CLK3: variants seen among roughly 807,000 people sequenced by gnomAD.
CLK3 encodes the protein CDC like kinase 3.
Under a neutral mutation model 65.2 loss-of-function variants are expected in CLK3, and 24 were observed. That is an observed-to-expected ratio of 0.37 (90% CI 0.27 to 0.52). The LOEUF is 0.52. Among genes scored for constraint, CLK3 ranks in the 20% least tolerant of loss-of-function variants. CLK3 has a pLI of 0.92. For synonymous variants in CLK3, 252 were observed against 240.8 expected, an observed-to-expected ratio of 1.05 and a Z score of -0.43; for missense variants, 506 against 660.0, an observed-to-expected ratio of 0.77 and a Z score of 2.56.
chr15:74,615,554 T>C, upstream of CLK3: 4 of 1,274,182 alleles, frequency 3.1e-6, no homozygotes, highest in Non-Finnish European at 4.0e-6. Flanking sequence ...GCCCCACCTC[T>C]CGGCTCTGAG....
Position 74,627,762 on chromosome 15 carries a change from C to A in CLK3, c.1042+94C>A, listed in dbSNP as rs558503557. On this transcript the variant is annotated intron_variant, in intron 9 of 12. Transcript: ENST00000395066. This position sits in a 1 kb window ranked among gnomAD's most constrained non-coding sequence, Gnocchi z 4.3. ...TGGCATGCCTGTCATTCTCTGCCAC[C>A]CAGGGCAGGCAGAGTTTCTCAGACC... 5.1e-4 allele frequency: 785 copies of A among 1,549,046 alleles called. No individual in the cohort carries two copies. Among genetic ancestry groups the A allele is most frequent in the Non-Finnish European group, 6.8e-4 (764 of 1,129,356 alleles).
rs1567145007 is a variant in CLK3 at position 74,627,010 on chromosome 15, G to A, written c.818-342G>A. On this transcript the variant is annotated intron_variant, in intron 7 of 12. Coordinates refer to ENST00000395066, the MANE Select transcript of CLK3 (RefSeq NM_001130028.2). The surrounding 1 kb of genome is among the most constrained non-coding windows in gnomAD (Gnocchi z 4.3). ...AAAGGGCCCTGCAAATTATGTAGCT[G>A]GTGCAGGGAAGAGGGAACCACCTCG... 2.1e-6 allele frequency: 1 copy of A among 484,190 alleles called. No individual in the cohort carries two copies. Among genetic ancestry groups the A allele is most frequent in the Non-Finnish European group, 4.1e-6 (1 of 246,440 alleles). 30.0% of individuals were successfully genotyped at this position (484,190 alleles called of 1,614,324 possible).
intron 1 of CLK3, chr15:74,608,437 G>C (rs2061940601): frequency 6.6e-6 from 1 of 152,280 alleles, no homozygotes; most frequent in African/African-American, 2.4e-5. Flanking sequence ...GTACAGCATG[G>C]ACCCCAGATC....
intron 1 of CLK3, among the ~76,000 whole-genome samples, chr15:74,616,317 T>C (rs946727118): frequency 6.6e-6 from 1 of 152,246 alleles, no homozygotes; most frequent in South Asian, 2.1e-4. Context: ...GCTTTCCCTC[T>C]GTCCCCGGGT....
In CLK3 at chr15:74,628,944, A is replaced by C. The variant is rs1306350294; in HGVS notation, c.1208A>C (p.Lys403Thr). 1.2e-6 allele frequency: 2 copies of C among 1,609,954 alleles called. No homozygotes were observed. The highest frequency in any genetic ancestry group is 1.7e-6 in the Non-Finnish European group (2 of 1,176,390). Reference sequence around the variant, plus strand: ...GACTCCACCCCCTTAATTTTCAGGAAGCAGAAATATTTCTACAAAGGGGGC... The same window carrying C: ...GACTCCACCCCCTTAATTTTCAGGACGCAGAAATATTTCTACAAAGGGGGC... ...IPSHMIHRTR[K>T]QKYFYKGGLV... Residue 403 changes from lysine to threonine, a missense_variant and splice_region_variant, in exon 12 of 13, where the codon AAG becomes ACG. Coordinates refer to ENST00000395066, the MANE Select transcript of CLK3 (RefSeq NM_001130028.2).
upstream of CLK3, chr15:74,615,411 A>G: frequency 8.0e-7 from 1 of 1,250,962 alleles, no homozygotes; most frequent in Non-Finnish European, 1.0e-6. Context: ...GCTCCGGCAC[A>G]CAGACCTCAG....
At chr15:74,616,274 TGGC>T (rs1259680424) in intron 1 of CLK3, among the ~76,000 whole-genome samples, 1 of 152,244 alleles carries the variant, frequency 6.6e-6, no homozygotes, top group Admixed American at 6.5e-5. Context: ...ACTCCTCCCT[TGGC>T]GGCCTGGAGT....
rs1426787485 is a variant in CLK3 at position 74,625,796 on chromosome 15, C to T, written c.651-6C>T. On this transcript the variant is annotated splice_region_variant and splice_polypyrimidine_tract_variant and intron_variant, in intron 6 of 12. Transcript: ENST00000395066. ...AGCCTGAGCCCTGCCCATCCTCCTCCTCCAGCCTGTGTGTCTTGATGTCTG... is the reference window on the plus strand; with the variant it reads ...AGCCTGAGCCCTGCCCATCCTCCTCTTCCAGCCTGTGTGTCTTGATGTCTG... 1 of 1,614,156 alleles carries T rather than the reference C, an allele frequency of 6.2e-7. No individual in the cohort carries two copies. Among genetic ancestry groups the T allele is most frequent in the Non-Finnish European group, 8.5e-7 (1 of 1,180,010 alleles).
chr15:74,619,432 C>T, intron 2 of CLK3, 84 bp downstream of exon 2: 2 of 1,444,782 alleles, frequency 1.4e-6, no homozygotes, highest in Admixed American at 1.8e-5. Flanking sequence ...TGAGATGACT[C>T]CATCCCTGCC....
chr15:74,615,611 G>T, upstream of CLK3: 2 of 1,252,526 alleles, frequency 1.6e-6, no homozygotes, highest in Non-Finnish European at 2.0e-6. Flanking sequence ...GGGGACCTAC[G>T]TGCGCCGCGA....
chr15:74,628,550 T>C (rs1355815525), intron 10 of CLK3, 54 bp from the exon 11 acceptor site: 1 of 1,331,140 alleles, frequency 7.5e-7, no homozygotes, highest in South Asian at 1.3e-5. Context: ...TTTTTCTCCT[T>C]GAAGGGGCCA....
intron 1 of CLK3, among the ~76,000 whole-genome samples, chr15:74,616,467 G>A (rs1489759477): frequency 6.6e-6 from 1 of 152,240 alleles, no homozygotes; most frequent in Non-Finnish European, 1.5e-5. Flanking sequence ...ACTCCAGCCC[G>A]GAGGATGGGC....
rs2062152768 is a variant in CLK3, at chr15:74,627,479, C to G, written c.912+33C>G. On this transcript the variant is annotated intron_variant, in intron 8 of 12. Transcript: ENST00000395066. The surrounding 1 kb of genome is among the most constrained non-coding windows in gnomAD (Gnocchi z 4.3). The stretch of plus-strand genomic sequence containing the variant: ...TGGGGGTAAGGGTGAGGCCCTGTTT[C>G]AGGGGTGGGTTACCCGCTGGTGCAG... 6.2e-7 allele frequency: 1 copy of G among 1,614,178 alleles called. No individual in the cohort carries two copies. Among genetic ancestry groups the G allele is most frequent in the Non-Finnish European group, 8.5e-7 (1 of 1,179,986 alleles).
Position 74,615,854 on chromosome 15 carries a change from C to G in CLK3, c.-45C>G. 2 of 1,254,804 alleles carry G rather than the reference C, an allele frequency of 1.6e-6. No individual in the cohort carries two copies. The highest frequency in any genetic ancestry group is 2.0e-6 in the Non-Finnish European group (2 of 999,522). 77.7% of individuals were successfully genotyped at this position (1,254,804 alleles called of 1,614,324 possible). ...CGCAGCCGGAAGCGGAAGAGGCGCT[C>G]GGAGCGGGGAGTGGGGCCTAGCTGC... On this transcript the variant is annotated 5_prime_UTR_variant, in exon 1 of 13. Transcript: ENST00000395066.
upstream of CLK3, chr15:74,615,102 G>C (rs997956738): frequency 7.3e-6 from 2 of 274,212 alleles, no homozygotes; most frequent in African/African-American, 4.4e-5. Context: ...GCAAAAGGGG[G>C]CTGTCCAGTG....
At chr15:74,610,125 C>T (rs1322080538) in intron 1 of CLK3, among the ~76,000 whole-genome samples, 3 of 152,268 alleles carry the variant, frequency 2.0e-5, no homozygotes, top group Admixed American at 6.5e-5. Flanking sequence ...GCCTGCCATG[C>T]ACCCACTTGG....
chr15:74,625,521 A>G (rs902141316), intron 6 of CLK3, among the ~76,000 whole-genome samples: 1 of 152,228 alleles, frequency 6.6e-6, no homozygotes, highest in Non-Finnish European at 1.5e-5. Context: ...GGCTGCTTCC[A>G]TATCATAAGT....
intron 3 of CLK3, chr15:74,620,551 T>A (rs1195599714): frequency 2.3e-6 from 1 of 435,622 alleles, no homozygotes; most frequent in Non-Finnish European, 4.2e-6. Flanking sequence ...GGACACTTCT[T>A]AGGGATCCTA....
intron 1 of CLK3, among the ~76,000 whole-genome samples, chr15:74,616,672 C>T (rs1234682296): frequency 6.6e-6 from 1 of 152,200 alleles, no homozygotes; most frequent in Non-Finnish European, 1.5e-5. Context: ...AGCGTTTCAC[C>T]GTTGGTGGTG....
Sources: allele counts gnomAD v4.1 joint callset (sites outside exome capture counted in the v4.1 genomes callset), GRCh38; gene constraint gnomAD v4.1.1; non-coding constraint Gnocchi (gnomAD v3.1); transcripts MANE v1.5; gene names NCBI Gene and HGNC (gene_info 2026-07-23, HGNC 2026-07-21).